SGCD: variants seen among roughly 807,000 people sequenced by gnomAD.
The protein encoded by SGCD is delta-sarcoglycan.
A neutral mutation model predicts 36.6 loss-of-function variants in SGCD; 18 were observed. The observed-to-expected ratio is 0.49, with a 90% CI of 0.34 to 0.73. The LOEUF (loss-of-function observed/expected upper bound fraction) is 0.73. Ranked by LOEUF, SGCD falls within the 30% of genes least tolerant of loss-of-function variation. The pLI is 0.01. For synonymous variants in SGCD, 133 were observed against 130.6 expected (o/e 1.02, Z -0.12); for missense variants, 387 against 346.7 (o/e 1.12, Z -0.92).
At chr5:156,119,899 A>G (rs1050353109) in intron 2 of SGCD, among the ~76,000 whole-genome samples, 2 of 152,166 alleles carry the variant, frequency 1.3e-5, no homozygotes, top group African/African-American at 4.8e-5. Context: ...TTGAAAAATG[A>G]CAGATTCCCT....
At chr5:156,650,748 C>G (rs1295817147) in intron 7 of SGCD, among the ~76,000 whole-genome samples, 2 of 151,996 alleles carry the variant, frequency 1.3e-5, no homozygotes, top group South Asian at 2.1e-4. Context: ...TGACAGATAC[C>G]TAGGTTGATT....
At chr5:156,057,455 A>G (rs995881745) in intron 1 of SGCD, among the ~76,000 whole-genome samples, 1 of 146,850 alleles carries the variant, frequency 6.8e-6, no homozygotes, top group African/African-American at 2.5e-5. Flanking sequence ...AAATAAAATC[A>G]TGACCTGAAT....
the SGCD span, among the ~76,000 whole-genome samples, chr5:155,814,037 G>T: frequency 6.6e-6 from 1 of 152,158 alleles, no homozygotes; most frequent in Non-Finnish European, 1.5e-5. Flanking sequence ...AGTCAAGTGT[G>T]GGGGAATGGG....
At chr5:156,362,411 G>T (rs992324272) in intron 3 of SGCD, among the ~76,000 whole-genome samples, 2 of 152,220 alleles carry the variant, frequency 1.3e-5, no homozygotes, top group Non-Finnish European at 2.9e-5. Flanking sequence ...ACTTTGGGAG[G>T]CCCAGGCGGG....
chr5:156,582,388 G>T (rs1013315454), intron 4 of SGCD, among the ~76,000 whole-genome samples: 2 of 152,118 alleles, frequency 1.3e-5, no homozygotes, highest in African/African-American at 4.8e-5. Flanking sequence ...ACTGTGATGG[G>T]TGCATAAAAG....
intron 3 of SGCD, among the ~76,000 whole-genome samples, chr5:156,505,158 C>T (rs955083850): frequency 6.6e-6 from 1 of 152,210 alleles, no homozygotes; most frequent in African/African-American, 2.4e-5. Flanking sequence ...TGCCTTTGGA[C>T]ATCCGCATTG....
At chr5:156,564,665 C>T (rs1458911318) in intron 4 of SGCD, among the ~76,000 whole-genome samples, 4 of 152,038 alleles carry the variant, frequency 2.6e-5, no homozygotes, top group Non-Finnish European at 5.9e-5. Flanking sequence ...TTTCCCCCAG[C>T]CCCTAGCAAC....
chr5:156,410,873 C>A (rs555836193), intron 3 of SGCD, among the ~76,000 whole-genome samples: 21 of 152,098 alleles, frequency 1.4e-4, no homozygotes, highest in Non-Finnish European at 2.5e-4. Context: ...TCCTAATCCT[C>A]CCTTCTTCTT....
chr5:155,761,801 A>G, the SGCD span, among the ~76,000 whole-genome samples: 3 of 151,600 alleles, frequency 2.0e-5, no homozygotes, highest in African/African-American at 7.3e-5. Flanking sequence ...CATCTCCATC[A>G]TCCTCACCAT....
At chr5:156,369,181 AT>A (rs1016117290) in intron 3 of SGCD, among the ~76,000 whole-genome samples, 1 of 152,064 alleles carries the variant, frequency 6.6e-6, no homozygotes. Context: ...CAAAACCATG[AT>A]TTTTTTTCAC....
Position 156,344,558 on chromosome 5 carries a change from G to A in SGCD, c.73G>A (p.Val25Met). The A allele has an allele frequency of 6.2e-7, 1 of 1,612,526 alleles. No homozygotes were observed. Among genetic ancestry groups the A allele is most frequent in the South Asian group, 1.1e-5 (1 of 90,708 alleles). ...CTCTGTGGGGCCACAGGTATACAAG[G>A]TGGGGATTTATGGCTGGCGGAAACG... The part of the protein sequence containing the change: ...PGSVGPQVYK[V>M]GIYGWRKRCL... Residue 25 changes from valine to methionine, a missense_variant, in exon 3 of 9, where the codon GTG becomes ATG. Val to Met is a conservative substitution (Grantham distance 21, BLOSUM62 1). Coordinates refer to ENST00000337851, the MANE Select transcript of SGCD (RefSeq NM_000337.6).
chr5:155,766,770 T>A, the SGCD span, among the ~76,000 whole-genome samples: 1 of 152,146 alleles, frequency 6.6e-6, no homozygotes, highest in Non-Finnish European at 1.5e-5. Flanking sequence ...GTTGTCACCA[T>A]TTTACAGATG....
chr5:155,757,085 A>G, the SGCD span, among the ~76,000 whole-genome samples: 3,201 of 152,300 alleles, frequency 0.021, 108 homozygotes, highest in African/African-American at 0.071. Context: ...TGGCTTGTCA[A>G]TGGGGCTTCT....
Position 156,449,677 on chromosome 5 carries a change from C to CAAAAAAAAAAAAAAA in SGCD, c.193-58913_193-58899dup, listed in dbSNP as rs397883573. ...TGAAACTCCGTCTCTACTAAAAATA[C>CAAAAAAAAAAAAAAA]AAAAAAAAAAAAAAAAAAAAAAAAA... On this transcript the variant is annotated intron_variant, in intron 3 of 8. Coordinates refer to ENST00000337851, the MANE Select transcript of SGCD (RefSeq NM_000337.6). Among the ~76,000 whole-genome samples, 142 of 46,026 alleles carry CAAAAAAAAAAAAAAA rather than the reference C, an allele frequency of 3.1e-3. 5 individuals carry two copies. Among genetic ancestry groups the CAAAAAAAAAAAAAAA allele is most frequent in the Middle Eastern group, 0.016 (1 of 64 alleles). 30.2% of individuals were successfully genotyped at this position (46,026 alleles called of 152,430 possible).
intron 3 of SGCD, among the ~76,000 whole-genome samples, chr5:156,226,937 A>T (rs1231466629): frequency 6.6e-6 from 1 of 151,594 alleles, no homozygotes; most frequent in Non-Finnish European, 1.5e-5. Context: ...CCACTTTTTG[A>T]TGAGATTGTT....
At chr5:156,444,226 C>T (rs1051995581) in intron 3 of SGCD, among the ~76,000 whole-genome samples, 2 of 151,196 alleles carry the variant, frequency 1.3e-5, no homozygotes, top group East Asian at 3.9e-4. Context: ...ATCTCTCTCT[C>T]TCTCTCTCTG....
At chr5:156,191,896 C>G (rs958675010) in intron 3 of SGCD, among the ~76,000 whole-genome samples, 5 of 152,144 alleles carry the variant, frequency 3.3e-5, no homozygotes, top group Admixed American at 1.3e-4. Flanking sequence ...ATCTGTCTCT[C>G]TTCTTCAGAA....
At position 156,298,197 on chromosome 5, in the gene SGCD, G is replaced by A. The variant is rs572165045; in HGVS notation, c.-43-31337G>A. Among the ~76,000 whole-genome samples, 5 of 152,102 alleles carry A rather than the reference G, an allele frequency of 3.3e-5. No individual in the cohort carries two copies. In the South Asian group the frequency reaches 1.0e-3, roughly 32 times the overall value. On this transcript the variant is annotated intron_variant, in intron 3 of 9. Transcript: ENST00000517913. Reference sequence around the variant, plus strand: ...CATTCATCTGTTGATGTACACTTAGGTTGCTTCTAAGGCTTGGATATTGTG... The same window carrying A: ...CATTCATCTGTTGATGTACACTTAGATTGCTTCTAAGGCTTGGATATTGTG...
At chr5:156,144,660 G>A (rs901443422) in intron 3 of SGCD, among the ~76,000 whole-genome samples, 1 of 152,128 alleles carries the variant, frequency 6.6e-6, no homozygotes, top group Admixed American at 6.5e-5. Flanking sequence ...TGAGTAGGTT[G>A]CAAAAATTTT....
Sources: allele counts gnomAD v4.1 joint callset (sites outside exome capture counted in the v4.1 genomes callset), GRCh38; gene constraint gnomAD v4.1.1; transcripts MANE v1.5; gene names NCBI Gene and HGNC (gene_info 2026-07-23, HGNC 2026-07-21).